The following NDC1 variants were observed in gnomAD, a reference collection of about 807,000 sequenced individuals.
NDC1 encodes NDC1 transmembrane nucleoporin.
A neutral mutation model predicts 89.8 loss-of-function variants in NDC1; 24 were observed. That is an observed-to-expected ratio of 0.27 (90% CI 0.19 to 0.38). NDC1 has a LOEUF of 0.38. Among genes scored for constraint, NDC1 ranks in the 10% least tolerant of loss-of-function variants. NDC1 has a pLI of 1.00. For synonymous variants in NDC1, 296 were observed against 284.8 expected (o/e 1.04, Z -0.39); for missense variants, 728 against 797.6 (o/e 0.91, Z 1.05).
intron 16 of NDC1, among the ~76,000 whole-genome samples, chr1:53,782,798 T>C (rs547040040): frequency 1.5e-4 from 23 of 152,308 alleles, no homozygotes; most frequent in African/African-American, 5.3e-4. Flanking sequence ...ATCACCAACA[T>C]CTCCATATCC....
chr1:53,774,594 C>G (rs1487376773), intron 16 of NDC1, among the ~76,000 whole-genome samples: 2 of 152,046 alleles, frequency 1.3e-5, no homozygotes, highest in East Asian at 1.9e-4. Context: ...CACCATAAAA[C>G]TTTAAATAAG....
At chr1:53,779,779 T>A (rs923421165) in intron 16 of NDC1, among the ~76,000 whole-genome samples, 1 of 152,224 alleles carries the variant, frequency 6.6e-6, no homozygotes, top group Non-Finnish European at 1.5e-5. Flanking sequence ...ACAAAAAACA[T>A]TTTTAAAGCA....
intron 16 of NDC1, among the ~76,000 whole-genome samples, chr1:53,773,123 A>G (rs1057012691): frequency 3.3e-5 from 5 of 151,642 alleles, no homozygotes; most frequent in African/African-American, 7.3e-5. Context: ...CCAAAACTTT[A>G]TACTTTACAG....
rs114515678 is a variant in NDC1, at chr1:53,772,594, C to A, written c.1801-105G>T. ...ATCCCAACACTTTGGAAGGACGAGG[C>A]GGGAGGACTGCTTGAGCCCAGGAGT... On this transcript the variant is annotated intron_variant, in intron 16 of 17. Transcript: ENST00000371429. The A allele has an allele frequency of 1.5e-3, 1,556 of 1,022,546 alleles. 17 individuals are homozygous for A. The African/African-American group carries it at 0.023, about 15-fold the overall frequency. 63.3% of individuals were successfully genotyped at this position (1,022,546 alleles called of 1,614,324 possible). A position where few individuals can be genotyped will look rare whatever the true frequency, so the allele number is the denominator to read the frequency against.
chr1:53,778,303 AT>A (rs1350995770), intron 16 of NDC1, among the ~76,000 whole-genome samples: 3 of 151,608 alleles, frequency 2.0e-5, no homozygotes, highest in Non-Finnish European at 4.4e-5. Flanking sequence ...ACACTGTCAC[AT>A]TTTTAAAATT....
intron 6 of NDC1, among the ~76,000 whole-genome samples, chr1:53,814,941 CA>C (rs1183649923): frequency 1.3e-5 from 2 of 152,064 alleles, no homozygotes; most frequent in Non-Finnish European, 2.9e-5. Context: ...CAATAACAAG[CA>C]GTGAGATTGA....
chr1:53,836,822 A>G (rs925958092), intron 1 of NDC1, among the ~76,000 whole-genome samples: 1 of 152,220 alleles, frequency 6.6e-6, no homozygotes, highest in African/African-American at 2.4e-5. Flanking sequence ...AAAGACCTAC[A>G]TGTAAGAGCT....
intron 9 of NDC1, among the ~76,000 whole-genome samples, chr1:53,805,846 G>A (rs1458971325): frequency 4.6e-5 from 7 of 152,058 alleles, no homozygotes; most frequent in African/African-American, 7.2e-5. Context: ...AGGCCGAGGC[G>A]GGTGGATCAC....
chr1:53,819,277 T>C (rs1053798189), intron 5 of NDC1, among the ~76,000 whole-genome samples, 198 bp from the exon 6 acceptor site: 1 of 152,230 alleles, frequency 6.6e-6, no homozygotes, highest in African/African-American at 2.4e-5. Flanking sequence ...ATTCAACATC[T>C]CACTGATATA....
In NDC1 at chr1:53,768,140, G is replaced by A. The variant is rs1647081885; in HGVS notation, c.1962-107C>T. 8.1e-6 allele frequency: 5 copies of A among 619,512 alleles called. No homozygotes were observed. In the East Asian group the frequency reaches 9.7e-5, roughly 12 times the overall value. The allele number at this position is 619,512 out of a possible 1,614,324, so 38.4% of individuals were successfully genotyped here. A position where few individuals can be genotyped will look rare whatever the true frequency, so the allele number is the denominator to read the frequency against. ...TTTTCAAAACAATTAAAAATGAATA[G>A]AAATCTTCACTTATTACTATTTCTG... On this transcript the variant is annotated intron_variant, in intron 17 of 17. Transcript: ENST00000371429.
At chr1:53,822,707 G>C (rs1648714521) in intron 5 of NDC1, among the ~76,000 whole-genome samples, 1 of 151,534 alleles carries the variant, frequency 6.6e-6, no homozygotes, top group Admixed American at 6.6e-5. Flanking sequence ...TTATCACTTT[G>C]GAAAGCTACC....
At chr1:53,774,522 A>AT (rs1221350584) in intron 16 of NDC1, among the ~76,000 whole-genome samples, 1 of 152,168 alleles carries the variant, frequency 6.6e-6, no homozygotes, top group African/African-American at 2.4e-5. Context: ...AATACTTTAT[A>AT]TTTTTTGTAG....
chr1:53,835,292 A>G (rs554944800), intron 2 of NDC1, among the ~76,000 whole-genome samples: 1 of 152,356 alleles, frequency 6.6e-6, no homozygotes, highest in East Asian at 1.9e-4. Context: ...CTATGATCAC[A>G]GTCTTTGACA....
intron 16 of NDC1, among the ~76,000 whole-genome samples, chr1:53,776,397 GA>G (rs1452213266): frequency 1.3e-5 from 2 of 152,100 alleles, no homozygotes; most frequent in Non-Finnish European, 2.9e-5. Flanking sequence ...GCTACAAAGT[GA>G]AAAACAAACA....
At chr1:53,795,903 C>T (rs1647680790) in intron 13 of NDC1, among the ~76,000 whole-genome samples, 1 of 152,218 alleles carries the variant, frequency 6.6e-6, no homozygotes, top group African/African-American at 2.4e-5. Context: ...GTCTTTACTA[C>T]AGCCAATGAG....
In NDC1 at chr1:53,833,618, G is replaced by A. The variant is rs542236283; in HGVS notation, c.179-1027C>T. Among the ~76,000 whole-genome samples the A allele has an allele frequency of 6.6e-5, 10 of 151,808 alleles. No homozygotes were observed. In the East Asian group the frequency reaches 9.7e-4, roughly 15 times the overall value. ...AAGCCATACATTACATCATCTAAAC[G>A]AGCGGAACTCAAAAACAAAAAAATC... On this transcript the variant is annotated intron_variant, in intron 2 of 17. Coordinates refer to ENST00000371429, the MANE Select transcript of NDC1 (RefSeq NM_018087.5).
At chr1:53,780,363 C>T (rs182083440) in intron 16 of NDC1, among the ~76,000 whole-genome samples, 38 of 152,242 alleles carry the variant, frequency 2.5e-4, no homozygotes, top group African/African-American at 7.7e-4. Context: ...CGTGAGCCAC[C>T]GCGCCCAGCC....
intron 16 of NDC1, among the ~76,000 whole-genome samples, chr1:53,781,641 T>C (rs1647208360): frequency 1.3e-5 from 2 of 152,212 alleles, no homozygotes; most frequent in African/African-American, 4.8e-5. Context: ...TTCCACACAA[T>C]TGTTCCTTAG....
intron 14 of NDC1, among the ~76,000 whole-genome samples, chr1:53,791,844 A>T (rs949086538): frequency 1.3e-5 from 2 of 152,218 alleles, no homozygotes; most frequent in African/African-American, 2.4e-5. Flanking sequence ...GGATAAAAAG[A>T]CATATCTCAC....
Sources: allele counts gnomAD v4.1 joint callset (sites outside exome capture counted in the v4.1 genomes callset), GRCh38; gene constraint gnomAD v4.1.1; transcripts MANE v1.5; gene names NCBI Gene and HGNC (gene_info 2026-07-23, HGNC 2026-07-21).